XIAP: variants seen among roughly 807,000 people sequenced by gnomAD.
The protein encoded by XIAP is E3 ubiquitin-protein ligase XIAP.
XIAP carries 3 observed loss-of-function variants against 33.1 expected under a neutral mutation model. The ratio of observed to expected loss-of-function variants is 0.09; its 90% CI spans 0.04 to 0.23. The LOEUF (loss-of-function observed/expected upper bound fraction) is 0.23. XIAP is among the 10% of genes least tolerant of loss of function. The probability of loss-of-function intolerance (pLI) is 1.00; values close to 1 mark genes in which losing one functional copy is unlikely to be tolerated. For synonymous variants in XIAP, 98 were observed against 121.3 expected (o/e 0.81, Z 1.26); for missense variants, 264 against 363.0 (o/e 0.73, Z 2.22).
At chrX:123,875,886 A>G (rs2053239721) in intron 1 of XIAP, among the ~76,000 whole-genome samples, 1 of 111,464 alleles carries the variant, frequency 9.0e-6, no homozygotes, top group South Asian at 3.7e-4. Flanking sequence ...GTGTTTCACC[A>G]TGTTGGCCAG....
Position 123,912,307 on chromosome X carries a change from A to G in XIAP, c.*5126A>G, listed in dbSNP as rs1358701926. On this transcript the variant is annotated 3_prime_UTR_variant, in exon 7 of 7. Coordinates refer to ENST00000371199, the MANE Select transcript of XIAP (RefSeq NM_001167.4). Reference sequence around the variant, plus strand: ...TGTCATACTGTTGTTAAGCAACAGTATAACAACTATTTACATAGCATTAAG... The same window carrying G: ...TGTCATACTGTTGTTAAGCAACAGTGTAACAACTATTTACATAGCATTAAG... The G allele has an allele frequency of 2.2e-5, 7 of 317,552 alleles. No individual in the cohort carries two copies. Among genetic ancestry groups the G allele is most frequent in the Non-Finnish European group, 4.2e-5 (7 of 167,267 alleles). The allele number at this position is 317,552 out of a possible 1,213,427, so 26.2% of individuals were successfully genotyped here. A position where few individuals can be genotyped will look rare whatever the true frequency, so the allele number is the denominator to read the frequency against.
At chrX:123,893,194 A>G (rs1602551051) in intron 5 of XIAP, among the ~76,000 whole-genome samples, 1 of 109,977 alleles carries the variant, frequency 9.1e-6, no homozygotes, top group Non-Finnish European at 1.9e-5. Context: ...TCACCATGAT[A>G]TATTTATTTC....
chrX:123,896,313 T>G (rs774022842), intron 5 of XIAP, among the ~76,000 whole-genome samples: 2 of 105,280 alleles, frequency 1.9e-5, no homozygotes, highest in Non-Finnish European at 3.9e-5. Context: ...ACAATCTGCC[T>G]CCCTTGGCCT....
At position 123,885,945 on chromosome X, in the gene XIAP, G is replaced by A. The variant is rs745844064; in HGVS notation, c.283G>A (p.Gly95Ser). 4 of 1,211,634 alleles carry A rather than the reference G, an allele frequency of 3.3e-6. No individual in the cohort carries two copies. Among genetic ancestry groups the A allele is most frequent in the Admixed American group, 2.2e-5 (1 of 45,921 alleles). ...ATCCCCAAATTGCAGATTTATCAAC[G>A]GCTTTTATCTTGAAAATAGTGCCAC... ...KVSPNCRFINGFYLENSATQS... is the reference protein window; with the variant it reads ...KVSPNCRFINSFYLENSATQS... Residue 95 changes from glycine (G) to serine (S), a missense_variant, in exon 2 of 7, where the codon GGC becomes AGC. Transcript: ENST00000371199.
At chrX:123,884,010 A>T (rs1257427501) in intron 1 of XIAP, among the ~76,000 whole-genome samples, 1 of 112,250 alleles carries the variant, frequency 8.9e-6, no homozygotes, top group Non-Finnish European at 1.9e-5. Flanking sequence ...CAAAAGTTTT[A>T]TGCAGATATA....
At chrX:123,880,912 A>G (rs774467646) in intron 1 of XIAP, among the ~76,000 whole-genome samples, 1 of 110,252 alleles carries the variant, frequency 9.1e-6, no homozygotes, top group Non-Finnish European at 1.9e-5. Context: ...TACGCAGTTG[A>G]CTGGACTAAA....
intron 6 of XIAP, among the ~76,000 whole-genome samples, 185 bp from the exon 7 acceptor site, chrX:123,906,803 T>A (rs1274259505): frequency 8.9e-6 from 1 of 112,016 alleles, no homozygotes; most frequent in Non-Finnish European, 1.9e-5. Flanking sequence ...CCTCCTAGCC[T>A]CATCTTACAT....
At chrX:123,866,161 G>A (rs1017609614) in intron 1 of XIAP, among the ~76,000 whole-genome samples, 7 of 109,448 alleles carry the variant, frequency 6.4e-5, no homozygotes, top group Non-Finnish European at 1.1e-4. Flanking sequence ...GGTTGGCCTC[G>A]AACTCCTGAC....
In XIAP at chrX:123,886,133, C is replaced by G. The variant is rs371353094; in HGVS notation, c.471C>G (p.Asn157Lys). The G allele has an allele frequency of 2.5e-6, 3 of 1,209,879 alleles. No homozygotes were observed. The highest frequency in any genetic ancestry group is 3.4e-6 in the Non-Finnish European group (3 of 895,309). Residue 157 changes from asparagine (N) to lysine (K), a missense_variant, in exon 2 of 7, where the codon AAC becomes AAG. Transcript: ENST00000371199. Reference sequence around the variant, plus strand: ...TATCAGACACCATATACCCGAGGAACCCTGCCATGTATAGTGAAGAAGCTA... The same window carrying G: ...TATCAGACACCATATACCCGAGGAAGCCTGCCATGTATAGTGAAGAAGCTA... ...VDISDTIYPR[N>K]PAMYSEEARL...
chrX:123,867,049 C>CCCCCCCCCCCCCA (rs35471589), intron 1 of XIAP, among the ~76,000 whole-genome samples: 1 of 55,075 alleles, frequency 1.8e-5, no homozygotes, highest in African/African-American at 7.3e-5. Context: ...CCCCCCCCCC[C>CCCCCCCCCCCCCA]TTCAACATTC....
chrX:123,892,068 A>G (rs2053413296), intron 4 of XIAP, among the ~76,000 whole-genome samples: 2 of 111,466 alleles, frequency 1.8e-5, no homozygotes, highest in Non-Finnish European at 3.8e-5. Context: ...AAATATATCT[A>G]AATTGATAGG....
intron 1 of XIAP, among the ~76,000 whole-genome samples, chrX:123,877,971 GAAA>G (rs76126679): frequency 1.3e-5 from 1 of 77,946 alleles, no homozygotes. Context: ...CCGTCTCAAA[GAAA>G]AAAAAAAAAA....
At chrX:123,903,385 TCCATGTTGGTCAGG>T (rs1221484034) in intron 6 of XIAP, among the ~76,000 whole-genome samples, 2 of 108,319 alleles carry the variant, frequency 1.8e-5, no homozygotes, top group East Asian at 5.8e-4. Context: ...ACGGGGTTTC[TCCATGTTGGTCAGG>T]CCGGTCTCCA....
At chrX:123,864,269 A>ACC (rs201691296) in intron 1 of XIAP, among the ~76,000 whole-genome samples, 9 of 108,536 alleles carry the variant, frequency 8.3e-5, no homozygotes, top group East Asian at 2.8e-4. Context: ...GTTTAGCGAT[A>ACC]AAATAATGAT....
At position 123,912,548 on chromosome X, in the gene XIAP, T is replaced by C. The variant is rs776453575; in HGVS notation, c.*5367T>C. On this transcript the variant is annotated 3_prime_UTR_variant, in exon 7 of 7. Transcript: ENST00000371199. ...TACTCCGGAGCCTGAGGTGGGAGGA[T>C]CGCTTGAGTCTGGGAGGCAGAGGCT... 1.8e-5 allele frequency: 6 copies of C among 325,263 alleles called. No individual in the cohort carries two copies. In the East Asian group the frequency reaches 5.9e-4, roughly 32 times the overall value. The allele number at this position is 325,263 out of a possible 1,213,427, so 26.8% of individuals were successfully genotyped here. A position where few individuals can be genotyped will look rare whatever the true frequency, so the allele number is the denominator to read the frequency against.
Position 123,885,845 on chromosome X carries a change from G to T in XIAP, c.183G>T (p.Val61=), listed in dbSNP as rs144938731. The change falls in exon 2 of 7, where the codon GTG becomes GTT. Residue 61 remains valine, a synonymous_variant. Transcript: ENST00000371199. ...TTTATACTGGTGAAGGAGATACCGT[G>T]CGGTGCTTTAGTTGTCATGCAGCTG... ...GFLYTGEGDT[V]RCFSCHAAVD... 6 of 1,211,998 alleles carry T rather than the reference G, an allele frequency of 5.0e-6. No homozygotes were observed. The highest frequency in any genetic ancestry group is 5.6e-6 in the Non-Finnish European group (5 of 895,603).
At chrX:123,881,888 G>C (rs977935871) in intron 1 of XIAP, among the ~76,000 whole-genome samples, 2 of 109,701 alleles carry the variant, frequency 1.8e-5, no homozygotes, top group African/African-American at 6.7e-5. Flanking sequence ...CAAGTAGCTG[G>C]GATTATAGGC....
chrX:123,863,848 G>A (rs1225255038), intron 1 of XIAP, among the ~76,000 whole-genome samples: 1 of 111,225 alleles, frequency 9.0e-6, no homozygotes, highest in Non-Finnish European at 1.9e-5. Context: ...ATTGCCCACC[G>A]TAATATATCT....
rs960870341 is a variant in XIAP, at chrX:123,895,595, A to G, written c.1099+2822A>G. The stretch of plus-strand genomic sequence containing the variant: ...AGTGTATGAGGATTTCATTTTCTCT[A>G]CATTCATTATCTGTCTTATTTATCA... On this transcript the variant is annotated intron_variant, in intron 5 of 6. Coordinates refer to ENST00000371199, the MANE Select transcript of XIAP (RefSeq NM_001167.4). 3.0e-4 allele frequency among the ~76,000 whole-genome samples: 33 copies of G among 111,794 alleles called. No homozygotes were observed. In the Admixed American group the frequency reaches 3.1e-3, roughly 10 times the overall value.
Sources: allele counts gnomAD v4.1 joint callset (sites outside exome capture counted in the v4.1 genomes callset), GRCh38; gene constraint gnomAD v4.1.1; transcripts MANE v1.5; gene names NCBI Gene and HGNC (gene_info 2026-07-23, HGNC 2026-07-21).